The following PTPN13 variants were observed in gnomAD, a reference collection of about 807,000 sequenced individuals.
PTPN13 encodes the protein tyrosine-protein phosphatase non-receptor type 13.
A neutral mutation model predicts 284.0 loss-of-function variants in PTPN13; 191 were observed. The observed-to-expected ratio is 0.67, with a 90% CI of 0.60 to 0.76. The LOEUF is 0.76. PTPN13 is among the 30% of genes least tolerant of loss of function. The pLI is 0.00. For missense variants in PTPN13, 2,797 were observed against 2,939.9 expected (o/e 0.95, Z 1.12); for synonymous variants, 986 against 1,022.3 (o/e 0.96, Z 0.68).
At chr4:86,780,224 C>A (rs1251857514) in intron 35 of PTPN13, among the ~76,000 whole-genome samples, 178 bp from the exon 36 acceptor site, 4 of 152,038 alleles carry the variant, frequency 2.6e-5, no homozygotes, top group Non-Finnish European at 4.4e-5. Flanking sequence ...CATGAAAAAA[C>A]CCCATCTCTA....
At chr4:86,657,315 C>T (rs981845723) in intron 2 of PTPN13, among the ~76,000 whole-genome samples, 4 of 152,182 alleles carry the variant, frequency 2.6e-5, no homozygotes, top group East Asian at 1.9e-4. Flanking sequence ...GCGTCGCTCA[C>T]GCTGGGAGCT....
At chr4:86,623,585 T>C (rs1458326475) in intron 1 of PTPN13, among the ~76,000 whole-genome samples, 1 of 152,212 alleles carries the variant, frequency 6.6e-6, no homozygotes, top group Non-Finnish European at 1.5e-5. Context: ...ACGATGCAAC[T>C]ATCCTGTGAT....
At chr4:86,807,975 C>A in intron 45 of PTPN13, 78 bp downstream of exon 45, 1 of 1,228,172 alleles carries the variant, frequency 8.1e-7, no homozygotes, top group Non-Finnish European at 1.1e-6. Context: ...TCCGTGATTG[C>A]ACCAATGTTA....
chr4:86,716,698 T>C (rs921504925), intron 8 of PTPN13, 73 bp downstream of exon 8: 4 of 1,097,360 alleles, frequency 3.6e-6, no homozygotes, highest in Non-Finnish European at 5.2e-6. Flanking sequence ...AGTGTTCAAA[T>C]ATTAATATAA....
intron 6 of PTPN13, among the ~76,000 whole-genome samples, chr4:86,694,883 C>T (rs903931056): frequency 6.6e-6 from 1 of 151,888 alleles, no homozygotes; most frequent in Non-Finnish European, 1.5e-5. Flanking sequence ...ATTGATATAG[C>T]TTAATAAAAT....
chr4:86,752,919 T>G lies in PTPN13; in HGVS notation c.3167-90T>G. The stretch of plus-strand genomic sequence containing the variant: ...AAAATGTTGCTGCCTTATTGTTCTA[T>G]TGATTTTTATGAGCTTATCAGAAGA... On this transcript the variant is annotated intron_variant, in intron 19 of 47. Coordinates refer to ENST00000411767, the MANE Select transcript of PTPN13 (RefSeq NM_080683.3). 3 of 897,552 alleles carry G rather than the reference T, an allele frequency of 3.3e-6. No individual in the cohort carries two copies. In the South Asian group the frequency reaches 6.2e-5, roughly 19 times the overall value. The allele number at this position is 897,552 out of a possible 1,614,324, so 55.6% of individuals were successfully genotyped here. A position where few individuals can be genotyped will look rare whatever the true frequency, so the allele number is the denominator to read the frequency against.
At chr4:86,613,495 G>A (rs147067388) in intron 1 of PTPN13, among the ~76,000 whole-genome samples, 1,523 of 152,172 alleles carry the variant, frequency 0.01, 16 homozygotes, top group Middle Eastern at 0.075. Flanking sequence ...TTAGCCGGGC[G>A]TGGTGACGGG....
At chr4:86,749,448 T>C (rs1023211735) in intron 17 of PTPN13, among the ~76,000 whole-genome samples, 2 of 152,238 alleles carry the variant, frequency 1.3e-5, no homozygotes, top group Non-Finnish European at 2.9e-5. Flanking sequence ...ATAGAATTGC[T>C]GCTTTCCAGA....
chr4:86,806,893 A>G (rs891070722), intron 44 of PTPN13, among the ~76,000 whole-genome samples: 3 of 152,306 alleles, frequency 2.0e-5, no homozygotes, highest in East Asian at 3.9e-4. Context: ...GCTTGTACAT[A>G]CTTTTCACTG....
intron 28 of PTPN13, among the ~76,000 whole-genome samples, chr4:86,768,757 C>G (rs1739624261): frequency 7.0e-6 from 1 of 143,796 alleles, no homozygotes; most frequent in Non-Finnish European, 1.5e-5. Context: ...GTTGCCCAGG[C>G]TGGAGTACAG....
In PTPN13 at chr4:86,751,069, GA is replaced by G; in HGVS notation, c.3114del (p.Lys1038AsnfsTer18). The G allele has an allele frequency of 6.2e-7, 1 of 1,610,692 alleles. No individual in the cohort carries two copies. The highest frequency in any genetic ancestry group is 8.5e-7 in the Non-Finnish European group (1 of 1,177,266). The stretch of plus-strand genomic sequence containing the variant: ...GTTTAAATAGAAGTCCTGAAAGGAG[GA>G]AACATGAATCAGACTCCTCATCCAT... ...ASLNRSPERRKHESDSSSIED... is the reference protein window; with the variant it reads ...ASLNRSPERRXHESDSSSIED... On this transcript the variant is annotated frameshift_variant, in exon 19 of 48. Transcript: ENST00000411767. LOFTEE classifies it high-confidence loss of function.
chr4:86,601,304 A>G (rs982888316), intron 1 of PTPN13, among the ~76,000 whole-genome samples: 5 of 152,118 alleles, frequency 3.3e-5, no homozygotes, highest in Non-Finnish European at 5.9e-5. Context: ...TATACCATTT[A>G]CTTGAGTTCC....
At chr4:86,658,920 C>A (rs1042472108) in intron 2 of PTPN13, among the ~76,000 whole-genome samples, 2 of 151,724 alleles carry the variant, frequency 1.3e-5, no homozygotes, top group Admixed American at 6.6e-5. Flanking sequence ...GAATTATCTA[C>A]AAAGAAAAAG....
Position 86,689,071 on chromosome 4 carries a change from C to T in PTPN13, c.427C>T (p.Arg143Ter), listed in dbSNP as rs757397339. 3 of 1,595,404 alleles carry T rather than the reference C, an allele frequency of 1.9e-6. No individual in the cohort carries two copies. The highest frequency in any genetic ancestry group is 1.1e-5 in the South Asian group (1 of 90,698). The change falls in exon 5 of 48, where the codon CGA becomes TGA. Residue 143 changes from arginine (R) to a stop codon, truncating the protein, a stop_gained. Coordinates refer to ENST00000411767, the MANE Select transcript of PTPN13 (RefSeq NM_080683.3). LOFTEE classifies it high-confidence loss of function. Reference sequence around the variant, plus strand: ...AATGTGTGAGGATGTTATTTACGCTCGAGTTTCTGTTCGGACTGTGCTGGA... The same window carrying T: ...AATGTGTGAGGATGTTATTTACGCTTGAGTTTCTGTTCGGACTGTGCTGGA... ...LGMCEDVIYA[R>*]VSVRTVLDAC...
chr4:86,738,166 A>G (rs1169017629), intron 15 of PTPN13, among the ~76,000 whole-genome samples: 1 of 152,160 alleles, frequency 6.6e-6, no homozygotes, highest in Non-Finnish European at 1.5e-5. Flanking sequence ...TAAAGCTGTT[A>G]TAAACATTCC....
intron 2 of PTPN13, among the ~76,000 whole-genome samples, chr4:86,671,286 G>A (rs1331689124): frequency 6.6e-6 from 1 of 152,164 alleles, no homozygotes; most frequent in African/African-American, 2.4e-5. Flanking sequence ...TATAGATACT[G>A]TATGATAAAC....
intron 2 of PTPN13, among the ~76,000 whole-genome samples, chr4:86,669,742 C>T (rs1264594670): frequency 6.6e-6 from 1 of 152,064 alleles, no homozygotes; most frequent in African/African-American, 2.4e-5. Flanking sequence ...AGTGACAGGA[C>T]AGGGACAGGG....
rs1405861166 is a variant in PTPN13, at chr4:86,762,624, A to G, written c.3554-103A>G. 5 of 910,814 alleles carry G rather than the reference A, an allele frequency of 5.5e-6. No homozygotes were observed. In the African/African-American group the frequency reaches 6.6e-5, roughly 12 times the overall value. 56.4% of individuals were successfully genotyped at this position (910,814 alleles called of 1,614,324 possible). A position where few individuals can be genotyped will look rare whatever the true frequency, so the allele number is the denominator to read the frequency against. On this transcript the variant is annotated intron_variant, in intron 23 of 47. Coordinates refer to ENST00000411767, the MANE Select transcript of PTPN13 (RefSeq NM_080683.3). Reference sequence around the variant, plus strand: ...ATGACCTAATGGTGTTTTGTGTGTCATCCTTATAAAATCCTTCCAACAATC... The same window carrying G: ...ATGACCTAATGGTGTTTTGTGTGTCGTCCTTATAAAATCCTTCCAACAATC...
intron 3 of PTPN13, among the ~76,000 whole-genome samples, chr4:86,676,222 A>G (rs1203049313): frequency 6.6e-6 from 1 of 152,228 alleles, no homozygotes. Flanking sequence ...GTGCCACTGA[A>G]GAAGAAATTC....
Sources: gnomAD v4.1 joint callset for allele counts (sites outside exome capture counted in the v4.1 genomes callset) on GRCh38, gnomAD v4.1.1 for gene constraint, MANE v1.5 for transcripts, NCBI Gene and HGNC (gene_info 2026-07-23, HGNC 2026-07-21) for gene names.